Variants in HSPA1L observed in about 807,000 individuals in gnomAD.
The protein encoded by HSPA1L is heat shock protein family A (Hsp70) member 1 like, also known as heat shock 70 kDa protein 1-like.
HSPA1L carries 21 observed loss-of-function variants against 31.5 expected under a neutral mutation model. The ratio of observed to expected loss-of-function variants is 0.67; its 90% CI spans 0.47 to 0.96. The LOEUF (loss-of-function observed/expected upper bound fraction) is 0.96. Ranked by LOEUF, HSPA1L falls within the 40% of genes least tolerant of loss-of-function variation. HSPA1L has a pLI of 0.00. For missense variants in HSPA1L, 709 were observed against 813.4 expected, an observed-to-expected ratio of 0.87 and a Z score of 1.56; for synonymous variants, 293 against 323.1, an observed-to-expected ratio of 0.91 and a Z score of 1.00.
rs1184127823 is a variant in HSPA1L, at chr6:31,811,156, T to C, written c.817A>G (p.Lys273Glu). The change falls in exon 2 of 2, where the codon AAG becomes GAG. Residue 273 changes from lysine to glutamate, a missense_variant. Transcript: ENST00000375654. ...RRLRTACERA[K>E]RTLSSSTQAN... ...TGGGTGCTGGACGACAGGGTCCTCTTGGCCCTCTCGCAGGCGGTGCGCAGC... is the reference window on the plus strand; with the variant it reads ...TGGGTGCTGGACGACAGGGTCCTCTCGGCCCTCTCGCAGGCGGTGCGCAGC... 1.2e-6 allele frequency: 2 copies of C among 1,614,240 alleles called. No homozygotes were observed. Among genetic ancestry groups the C allele is most frequent in the East Asian group, 4.5e-5 (2 of 44,880 alleles).
Position 31,810,708 on chromosome 6 carries a change from ATGGTGGAGT to A in HSPA1L, c.1256_1264del (p.Asn419_Thr421del). 1 of 1,613,718 alleles carries A rather than the reference ATGGTGGAGT, an allele frequency of 6.2e-7. No homozygotes were observed. Among genetic ancestry groups the A allele is most frequent in the Non-Finnish European group, 8.5e-7 (1 of 1,179,944 alleles). ...GAAAATCTGTGTCTGCTTGGTGGGGATGGTGGAGTTGCGCTTTATCAGGGCAGTCATCAC... is the reference window on the plus strand; with the variant it reads ...GAAAATCTGTGTCTGCTTGGTGGGGATGCGCTTTATCAGGGCAGTCATCAC... On this transcript the variant is annotated inframe_deletion, in exon 2 of 2. Coordinates refer to ENST00000375654, the MANE Select transcript of HSPA1L (RefSeq NM_005527.4).
intron 1 of HSPA1L, 71 bp downstream of exon 1, chr6:31,814,818 C>G: frequency 1.2e-6 from 1 of 852,676 alleles, no homozygotes; most frequent in Non-Finnish European, 1.4e-6. Flanking sequence ...AGGGAACTTT[C>G]CAGTACTTTC....
chr6:31,810,865 CCTCAT>C lies in HSPA1L; in HGVS notation c.1103_1107del (p.Asp368GlyfsTer19). The C allele has an allele frequency of 6.2e-7, 1 of 1,614,182 alleles. No homozygotes were observed. The highest frequency in any genetic ancestry group is 8.5e-7 in the Non-Finnish European group (1 of 1,180,038). On this transcript the variant is annotated frameshift_variant, in exon 2 of 2. Transcript: ENST00000375654. LOFTEE classifies it high-confidence loss of function. Reference sequence around the variant, plus strand: ...TGTACCGCAGCCCCATATGCTACGGCCTCATCAGGGTTGATGCTCTTGTTGAGATC... The same window carrying C: ...TGTACCGCAGCCCCATATGCTACGGCCAGGGTTGATGCTCTTGTTGAGATC...
In HSPA1L at chr6:31,815,102, C is replaced by T. The variant is rs1815798130; in HGVS notation, c.-227G>A. The T allele has an allele frequency of 3.3e-6, 3 of 918,612 alleles. No homozygotes were observed. Among genetic ancestry groups the T allele is most frequent in the Non-Finnish European group, 3.9e-6 (3 of 763,812 alleles). 56.9% of individuals were successfully genotyped at this position (918,612 alleles called of 1,614,324 possible). A position where few individuals can be genotyped will look rare whatever the true frequency, so the allele number is the denominator to read the frequency against. Reference sequence around the variant, plus strand: ...GACAGTATCTCCATTGTAACGTGGCCGGGCGGTGTCAACACAAACGCCCCC... The same window carrying T: ...GACAGTATCTCCATTGTAACGTGGCTGGGCGGTGTCAACACAAACGCCCCC... On this transcript the variant is annotated 5_prime_UTR_variant, in exon 1 of 2. Coordinates refer to ENST00000375654, the MANE Select transcript of HSPA1L (RefSeq NM_005527.4).
chr6:31,810,271 C>G lies in HSPA1L; in HGVS notation c.1702G>C (p.Asp568His). The G allele has an allele frequency of 1.3e-6, 2 of 1,530,576 alleles. No individual in the cohort carries two copies. Among genetic ancestry groups the G allele is most frequent in the Non-Finnish European group, 1.8e-6 (2 of 1,141,566 alleles). The allele number at this position is 1,530,576 out of a possible 1,614,324, so 94.8% of individuals were successfully genotyped here. Residue 568 changes from aspartate to histidine, a missense_variant, in exon 2 of 2, where the codon GAT becomes CAT. Coordinates refer to ENST00000375654, the MANE Select transcript of HSPA1L (RefSeq NM_005527.4). ...EGLKGKISESDKNKILDKCNE... is the reference protein window; with the variant it reads ...EGLKGKISESHKNKILDKCNE... Reference sequence around the variant, plus strand: ...CATTTATCCAATATTTTATTTTTATCAGACTCACTAATCTTGCCCTTCAAA... The same window carrying G: ...CATTTATCCAATATTTTATTTTTATGAGACTCACTAATCTTGCCCTTCAAA...
chr6:31,813,326 C>A (rs938364973), intron 1 of HSPA1L, among the ~76,000 whole-genome samples: 3 of 152,136 alleles, frequency 2.0e-5, no homozygotes, highest in African/African-American at 7.2e-5. Context: ...TGTTTTGAGA[C>A]AGAGTCTCAC....
At position 31,810,782 on chromosome 6, in the gene HSPA1L, G is replaced by A. The variant is rs149424950; in HGVS notation, c.1191C>T (p.Asp397=). 1.9e-6 allele frequency: 3 copies of A among 1,614,112 alleles called. No homozygotes were observed. The highest frequency in any genetic ancestry group is 2.5e-6 in the Non-Finnish European group (3 of 1,180,018). Residue 397 remains aspartate, a synonymous_variant, in exon 2 of 2, where the codon GAC becomes GAT. Transcript: ENST00000375654. Reference sequence around the variant, plus strand: ...CCAGCCCCAGGGACAGGGGAGCCACGTCCAGCAGCAGCAGGTCCTGTACCT... The same window carrying A: ...CCAGCCCCAGGGACAGGGGAGCCACATCCAGCAGCAGCAGGTCCTGTACCT... ...SEKVQDLLLL[D]VAPLSLGLET...
In HSPA1L at chr6:31,810,929, C is replaced by T. The variant is rs1452509915; in HGVS notation, c.1044G>A (p.Val348=). ...LVGGSTRIPK[V]QRLLQDYFNG... ...TGAAGTAGTCCTGAAGCAGCCGCTG[C>T]ACCTTGGGGATGCGGGTGGAGCCCC... Residue 348 remains valine, a synonymous_variant, in exon 2 of 2, where the codon GTG becomes GTA. Transcript: ENST00000375654. 3 of 1,614,070 alleles carry T rather than the reference C, an allele frequency of 1.9e-6. No homozygotes were observed. Among genetic ancestry groups the T allele is most frequent in the African/African-American group, 1.3e-5 (1 of 74,914 alleles).
At position 31,814,958 on chromosome 6, in the gene HSPA1L, G is replaced by A; in HGVS notation, c.-83C>T. 1.0e-6 allele frequency: 1 copy of A among 985,528 alleles called. No homozygotes were observed. The highest frequency in any genetic ancestry group is 1.2e-6 in the Non-Finnish European group (1 of 830,088). 61.0% of individuals were successfully genotyped at this position (985,528 alleles called of 1,614,324 possible). A position where few individuals can be genotyped will look rare whatever the true frequency, so the allele number is the denominator to read the frequency against. ...ACGCAGCCCCAGCGAGTAGGTGGGG[G>A]CTCCCTCAATATCAAACTGCACAAC... On this transcript the variant is annotated 5_prime_UTR_variant, in exon 1 of 2. Coordinates refer to ENST00000375654, the MANE Select transcript of HSPA1L (RefSeq NM_005527.4).
rs1365331743 is a variant in HSPA1L at position 31,811,005 on chromosome 6, A to C, written c.968T>G (p.Leu323Arg). The change falls in exon 2 of 2, where the codon CTT (leucine) becomes CGT (arginine). Residue 323 changes from leucine to arginine, a missense_variant. Leu to Arg is a moderately radical substitution (Grantham distance 102). Transcript: ENST00000375654. Reference sequence around the variant, plus strand: ...AGCCTTATCCATCTTGGCATCCCGAAGCGCTTTTTCTACAGGCTCCAGGGT... The same window carrying C: ...AGCCTTATCCATCTTGGCATCCCGACGCGCTTTTTCTACAGGCTCCAGGGT... Reference protein sequence around the residue: ...RGTLEPVEKALRDAKMDKAKI... With the variant: ...RGTLEPVEKARRDAKMDKAKI... The C allele has an allele frequency of 1.9e-6, 3 of 1,614,156 alleles. No homozygotes were observed. In the South Asian group the frequency reaches 3.3e-5, roughly 18 times the overall value.
rs1419211674 is a variant in HSPA1L at position 31,811,904 on chromosome 6, G to A, written c.69C>T (p.Phe23=). ...LGTTYSCVGV[F]QHGKVEIIAN... The stretch of plus-strand genomic sequence containing the variant: ...CGATGATCTCCACCTTGCCGTGCTG[G>A]AACACCCCCACACAGGAGTAGGTGG... The change falls in exon 2 of 2, where the codon TTC becomes TTT. Residue 23 remains phenylalanine (F), a synonymous_variant. Coordinates refer to ENST00000375654, the MANE Select transcript of HSPA1L (RefSeq NM_005527.4). The A allele has an allele frequency of 6.2e-7, 1 of 1,614,194 alleles. No individual in the cohort carries two copies.
In HSPA1L at chr6:31,811,143, G is replaced by A. The variant is rs1460318497; in HGVS notation, c.830C>T (p.Ser277Leu). The A allele has an allele frequency of 4.3e-6, 7 of 1,614,142 alleles. No homozygotes were observed. Among genetic ancestry groups the A allele is most frequent in the South Asian group, 1.1e-5 (1 of 91,080 alleles). ...TACERAKRTLSSSTQANLEID... is the reference protein window; with the variant it reads ...TACERAKRTLLSSTQANLEID... ...TTCTAGGTTGGCCTGGGTGCTGGAC[G>A]ACAGGGTCCTCTTGGCCCTCTCGCA... Residue 277 changes from serine (S) to leucine (L), a missense_variant, in exon 2 of 2, where the codon TCG becomes TTG. By Grantham distance (145) the Ser-to-Leu change is moderately radical. Coordinates refer to ENST00000375654, the MANE Select transcript of HSPA1L (RefSeq NM_005527.4).
rs780242965 is a variant in HSPA1L, at chr6:31,811,476, A to G, written c.497T>C (p.Ile166Thr). The change falls in exon 2 of 2, where the codon ATT becomes ACT. Residue 166 changes from isoleucine (I) to threonine (T), a missense_variant. Transcript: ENST00000375654. ...QRQATKDAGVIAGLNVLRIIN... is the reference protein window; with the variant it reads ...QRQATKDAGVTAGLNVLRIIN... ...GATTCTTAGCACATTAAGTCCAGCA[A>G]TCACACCTGCATCCTTAGTAGCCTG... 6 of 1,614,068 alleles carry G rather than the reference A, an allele frequency of 3.7e-6. No individual in the cohort carries two copies. In the South Asian group the frequency reaches 6.6e-5, roughly 18 times the overall value.
chr6:31,814,931 T>A lies in HSPA1L; in HGVS notation c.-56A>T. ...TCGCTTCAGTTTGGAAACGTCCAGA[T>A]TACGCAGCCCCAGCGAGTAGGTGGG... On this transcript the variant is annotated 5_prime_UTR_variant, in exon 1 of 2. Coordinates refer to ENST00000375654, the MANE Select transcript of HSPA1L (RefSeq NM_005527.4). The A allele has an allele frequency of 1.0e-6, 1 of 985,666 alleles. No individual in the cohort carries two copies. The highest frequency in any genetic ancestry group is 1.2e-6 in the Non-Finnish European group (1 of 830,188). The allele number at this position is 985,666 out of a possible 1,614,324, so 61.1% of individuals were successfully genotyped here. A position where few individuals can be genotyped will look rare whatever the true frequency, so the allele number is the denominator to read the frequency against.
intron 1 of HSPA1L, among the ~76,000 whole-genome samples, chr6:31,812,410 T>C (rs1815491065): frequency 6.6e-6 from 1 of 151,928 alleles, no homozygotes; most frequent in South Asian, 2.1e-4. Context: ...TGACCTCAGG[T>C]GATCCGCCCG....
Position 31,810,462 on chromosome 6 carries a change from G to A in HSPA1L, c.1511C>T (p.Thr504Ile). 6.2e-7 allele frequency: 1 copy of A among 1,613,908 alleles called. No homozygotes were observed. The highest frequency in any genetic ancestry group is 8.5e-7 in the Non-Finnish European group (1 of 1,179,904). The change falls in exon 2 of 2, where the codon ACC becomes ATC. Residue 504 changes from threonine (T) to isoleucine (I), a missense_variant. By Grantham distance (89) the Thr-to-Ile change is moderately conservative. Transcript: ENST00000375654. ...CAGGCGGCCCTTGTCATTGGTGATG[G>A]TGATCTTGTTCACCTTGCCGGTGCT... ...DKSTGKVNKI[T>I]ITNDKGRLSK...
Position 31,811,529 on chromosome 6 carries a change from C to G in HSPA1L, c.444G>C (p.Val148=). 6.2e-7 allele frequency: 1 copy of G among 1,614,164 alleles called. No homozygotes were observed. Among genetic ancestry groups the G allele is most frequent in the South Asian group, 1.1e-5 (1 of 91,088 alleles). ...GHPVTNAVIT[V]PAYFNDSQRQ... is the part of the protein sequence containing the mutation. ...GTTGAGAGTCATTGAAATAGGCTGG[C>G]ACGGTAATCACTGCATTGGTGACAG... The change falls in exon 2 of 2, where the codon GTG becomes GTC. Residue 148 remains valine, a synonymous_variant. Transcript: ENST00000375654.
chr6:31,812,090 G>A (rs1191262707), intron 1 of HSPA1L, 105 bp from the exon 2 acceptor site: 10 of 1,360,022 alleles, frequency 7.4e-6, no homozygotes, highest in African/African-American at 2.9e-5. Flanking sequence ...GTGCAGAGGC[G>A]CAGTCATAGC....
In HSPA1L at chr6:31,814,878, T is replaced by C. The variant is rs1815768315; in HGVS notation, c.-14+11A>G. ...TCAGGTTCACAATCAATCAGATCCCTACTGGCTCACCTAGTCTCCCGACGC... is the reference window on the plus strand; with the variant it reads ...TCAGGTTCACAATCAATCAGATCCCCACTGGCTCACCTAGTCTCCCGACGC... On this transcript the variant is annotated intron_variant, in intron 1 of 1. Coordinates refer to ENST00000375654, the MANE Select transcript of HSPA1L (RefSeq NM_005527.4). The C allele has an allele frequency of 2.0e-6, 2 of 984,678 alleles. No homozygotes were observed. Among genetic ancestry groups the C allele is most frequent in the Non-Finnish European group, 2.4e-6 (2 of 829,400 alleles). The allele number at this position is 984,678 out of a possible 1,614,324, so 61.0% of individuals were successfully genotyped here. A position where few individuals can be genotyped will look rare whatever the true frequency, so the allele number is the denominator to read the frequency against.
Sources: allele counts gnomAD v4.1 joint callset (sites outside exome capture counted in the v4.1 genomes callset), GRCh38; gene constraint gnomAD v4.1.1; transcripts MANE v1.5; gene names NCBI Gene and HGNC (gene_info 2026-07-23, HGNC 2026-07-21).